Variants in MUSK observed in about 807,000 individuals in gnomAD.
MUSK encodes the protein muscle associated receptor tyrosine kinase.
Under a neutral mutation model 88.7 loss-of-function variants are expected in MUSK, and 55 were observed. The ratio of observed to expected loss-of-function variants is 0.62; its 90% CI spans 0.50 to 0.78. The LOEUF (loss-of-function observed/expected upper bound fraction) is 0.78. Ranked by LOEUF, MUSK falls within the 30% of genes least tolerant of loss-of-function variation. The pLI, the probability that MUSK is intolerant of heterozygous loss-of-function variation, is 0.00. For missense variants in MUSK, 1,015 were observed against 1,074.3 expected, an observed-to-expected ratio of 0.94 and a Z score of 0.77; for synonymous variants, 387 against 391.9, an observed-to-expected ratio of 0.99 and a Z score of 0.15.
chr9:110,742,396 C>G (rs113225467), intron 6 of MUSK, among the ~76,000 whole-genome samples: 1 of 152,086 alleles, frequency 6.6e-6, no homozygotes, highest in African/African-American at 2.4e-5. Flanking sequence ...GTGGAGGTTA[C>G]AGTGAGCCAA....
In MUSK at chr9:110,682,813, CATTTTA is replaced by C. The variant is rs1038284821; in HGVS notation, c.206+19_206+24del. The stretch of plus-strand genomic sequence containing the variant: ...AAATTCTCATTAAGTAAGTATTCCA[CATTTTA>C]ATTTTTTTAAATTTTTGTGGGTATA... On this transcript the variant is annotated intron_variant, in intron 2 of 14. Transcript: ENST00000374448. The C allele has an allele frequency of 1.9e-6, 3 of 1,604,704 alleles. No homozygotes were observed. The highest frequency in any genetic ancestry group is 3.4e-5 in the Admixed American group (2 of 59,126).
At chr9:110,787,431 C>T (rs963105688) in intron 13 of MUSK, among the ~76,000 whole-genome samples, 5 of 149,994 alleles carry the variant, frequency 3.3e-5, no homozygotes, top group Non-Finnish European at 7.4e-5. Flanking sequence ...CTTCAGAATT[C>T]CTATAATTTG....
chr9:110,746,605 G>C (rs2077177243), intron 6 of MUSK, among the ~76,000 whole-genome samples: 1 of 152,160 alleles, frequency 6.6e-6, no homozygotes, highest in Non-Finnish European at 1.5e-5. Flanking sequence ...AAATTAAGCT[G>C]TTAATTGTGT....
At chr9:110,737,931 A>G (rs942682710) in intron 6 of MUSK, among the ~76,000 whole-genome samples, 49 of 152,248 alleles carry the variant, frequency 3.2e-4, no homozygotes, top group African/African-American at 1.0e-3. Context: ...CGCAATCTCT[A>G]TCTCACAGGT....
Position 110,668,861 on chromosome 9 carries a change from C to T in MUSK, c.-44C>T, listed in dbSNP as rs1327608669. On this transcript the variant is annotated 5_prime_UTR_variant, in exon 1 of 15. Transcript: ENST00000374448. ...GTAAACTGTGGAGCCATTTTCCTTG[C>T]GTTGTCCAGAAGGAACTTCGTCCTG... The T allele has an allele frequency of 1.1e-5, 17 of 1,485,404 alleles. No individual in the cohort carries two copies. Among genetic ancestry groups the T allele is most frequent in the Non-Finnish European group, 1.5e-5 (16 of 1,063,700 alleles). The allele number at this position is 1,485,404 out of a possible 1,614,324, so 92.0% of individuals were successfully genotyped here.
intron 7 of MUSK, chr9:110,748,022 T>C (rs562750068): frequency 2.9e-6 from 2 of 685,632 alleles, no homozygotes; most frequent in East Asian, 5.6e-5. Context: ...ACCCAAGTGG[T>C]AGGTAACAGC....
chr9:110,806,129 T>A lies in MUSK; in HGVS notation c.*5141T>A, dbSNP rs568649620. On this transcript the variant is annotated 3_prime_UTR_variant, in exon 15 of 15. Coordinates refer to ENST00000374448, the MANE Select transcript of MUSK (RefSeq NM_005592.4). The stretch of plus-strand genomic sequence containing the variant: ...TTCACCCATTTATAGTGTTAGTTCT[T>A]CTGGTGATTACCAGTGCAATTCTAA... Among the ~76,000 whole-genome samples, 2 of 152,300 alleles carry A rather than the reference T, an allele frequency of 1.3e-5. No homozygotes were observed. The highest frequency in any genetic ancestry group is 3.9e-4 in the East Asian group (2 of 5,190).
Position 110,734,372 on chromosome 9 carries a change from T to A in MUSK, c.750T>A (p.Asn250Lys). 1 of 1,613,040 alleles carries A rather than the reference T, an allele frequency of 6.2e-7. No homozygotes were observed. ...CCATCACCTGGATTGAAAACGGAAA[T>A]GCTGTGAGTGTCATGTGTGTGGGGA... ...VPTITWIENG[N>K]AVSSGSIQES... The change falls in exon 6 of 15, where the codon AAT becomes AAA. Residue 250 changes from asparagine to lysine, a missense_variant. Transcript: ENST00000374448.
At chr9:110,694,278 C>T (rs1293213686) in intron 3 of MUSK, among the ~76,000 whole-genome samples, 2 of 146,158 alleles carry the variant, frequency 1.4e-5, no homozygotes, top group African/African-American at 2.5e-5. Context: ...CCCAGCTACT[C>T]GGGAAGCTGA....
At chr9:110,685,240 T>G (rs1229388561) in intron 2 of MUSK, among the ~76,000 whole-genome samples, 1 of 152,170 alleles carries the variant, frequency 6.6e-6, no homozygotes, top group East Asian at 1.9e-4. Flanking sequence ...ACCCTTCATC[T>G]GTTGATATGA....
At chr9:110,734,611 C>T (rs1331645049) in intron 6 of MUSK, among the ~76,000 whole-genome samples, 1 of 152,120 alleles carries the variant, frequency 6.6e-6, no homozygotes, top group East Asian at 1.9e-4. Flanking sequence ...TTCTTTGTGC[C>T]TTTGTGTAAA....
intron 14 of MUSK, among the ~76,000 whole-genome samples, chr9:110,790,932 C>T (rs1049443263): frequency 9.2e-5 from 14 of 152,198 alleles, no homozygotes; most frequent in African/African-American, 3.4e-4. Context: ...TAGCATTTTG[C>T]CACACAAGTA....
intron 5 of MUSK, among the ~76,000 whole-genome samples, chr9:110,726,425 C>T (rs939004190): frequency 6.6e-5 from 10 of 152,054 alleles, no homozygotes; most frequent in African/African-American, 9.7e-5. Flanking sequence ...ATTGAGCCTA[C>T]GCTCAAAGTA....
At chr9:110,712,270 T>C (rs1448297936) in intron 5 of MUSK, among the ~76,000 whole-genome samples, 1 of 152,170 alleles carries the variant, frequency 6.6e-6, no homozygotes, top group Non-Finnish European at 1.5e-5. Flanking sequence ...TCTTTTACTT[T>C]ATTTTTTGCT....
intron 9 of MUSK, among the ~76,000 whole-genome samples, chr9:110,774,975 C>G (rs1036308043): frequency 1.3e-5 from 2 of 152,020 alleles, no homozygotes; most frequent in African/African-American, 4.8e-5. Flanking sequence ...ATTTAATTAT[C>G]TTTAATTTCC....
At chr9:110,798,879 G>T (rs1173284550) in intron 14 of MUSK, among the ~76,000 whole-genome samples, 2 of 152,006 alleles carry the variant, frequency 1.3e-5, no homozygotes, top group African/African-American at 4.8e-5. Flanking sequence ...CTTTTGTATA[G>T]TATTTTCTTT....
chr9:110,734,072 G>T (rs1189248537), intron 5 of MUSK, among the ~76,000 whole-genome samples, 179 bp from the exon 6 acceptor site: 2 of 152,028 alleles, frequency 1.3e-5, no homozygotes, highest in Admixed American at 1.3e-4. Flanking sequence ...GAGAAATATA[G>T]GGTTATAACA....
rs141752452 is a variant in MUSK, at chr9:110,746,415, C to T, written c.754-1226C>T. On this transcript the variant is annotated intron_variant, in intron 6 of 14. Transcript: ENST00000374448. ...TGTTACTCTTGTTTTCTAATGACTG[C>T]TCATTTGTTCTCTCTTCTAGGACTA... Among the ~76,000 whole-genome samples the T allele has an allele frequency of 3.3e-5, 5 of 152,260 alleles. 1 individual carries two copies. The highest frequency in any genetic ancestry group is 2.1e-4 in the South Asian group (1 of 4,826).
chr9:110,750,083 GGAGA>G (rs919794903), intron 7 of MUSK, among the ~76,000 whole-genome samples: 22 of 64,938 alleles, frequency 3.4e-4, no homozygotes, highest in South Asian at 1.1e-3. Flanking sequence ...ACACACACAT[GGAGA>G]GAGAGAGAGA....
Sources: allele counts gnomAD v4.1 joint callset (sites outside exome capture counted in the v4.1 genomes callset), GRCh38; gene constraint gnomAD v4.1.1; transcripts MANE v1.5; gene names NCBI Gene and HGNC (gene_info 2026-07-23, HGNC 2026-07-21).